The following PRKN variants were observed in gnomAD, a reference collection of about 807,000 sequenced individuals.
PRKN encodes E3 ubiquitin-protein ligase parkin.
PRKN carries 56 observed loss-of-function variants against 59.5 expected under a neutral mutation model. The ratio of observed to expected loss-of-function variants is 0.94; its 90% confidence interval spans 0.76 to 1.18. PRKN has a LOEUF of 1.18. Ranked by LOEUF, PRKN falls within the 50% of genes most tolerant of loss-of-function variation. The pLI, the probability that PRKN is intolerant of heterozygous loss-of-function variation, is 0.00. For missense variants in PRKN, 657 were observed against 596.4 expected, an observed-to-expected ratio of 1.10 and a Z score of -1.06; for synonymous variants, 250 against 222.1, an observed-to-expected ratio of 1.13 and a Z score of -1.12.
At chr6:161,920,249 T>C (rs1245838552) in intron 6 of PRKN, among the ~76,000 whole-genome samples, 2 of 151,756 alleles carry the variant, frequency 1.3e-5, no homozygotes, top group Non-Finnish European at 2.9e-5. Flanking sequence ...CTGGGTGTGG[T>C]TGTGCAAACC....
intron 9 of PRKN, among the ~76,000 whole-genome samples, chr6:161,449,832 T>G (rs933520852): frequency 1.6e-4 from 25 of 152,142 alleles, no homozygotes; most frequent in African/African-American, 6.0e-4. Context: ...AGGGAAGCAA[T>G]GGGAAAGTGC....
Position 161,497,856 on chromosome 6 carries a change from T to A in PRKN, c.1083+50998A>T, listed in dbSNP as rs766732004. On this transcript the variant is annotated intron_variant, in intron 9 of 11. Transcript: ENST00000366898. This position sits in a 1 kb window ranked among gnomAD's most constrained non-coding sequence, Gnocchi z 4.6. ...TGAGGCTAACTCTCCTCCCAAGGTG[T>A]CTCAAATAGAAAGGCTTGTTCCTGA... Among the ~76,000 whole-genome samples, 13 of 152,230 alleles carry A rather than the reference T, an allele frequency of 8.5e-5. No individual in the cohort carries two copies. Among genetic ancestry groups the A allele is most frequent in the Non-Finnish European group, 1.5e-4 (10 of 68,046 alleles).
chr6:162,039,732 A>G (rs1783990165), intron 5 of PRKN, among the ~76,000 whole-genome samples: 1 of 152,226 alleles, frequency 6.6e-6, no homozygotes. Flanking sequence ...CTAAACAATT[A>G]TCATTGTCTG....
chr6:162,403,352 G>T (rs1321573815), intron 2 of PRKN, among the ~76,000 whole-genome samples: 1 of 151,906 alleles, frequency 6.6e-6, no homozygotes, highest in African/African-American at 2.4e-5. Flanking sequence ...CCCTCACCCG[G>T]GCTGCGTCTT....
chr6:161,736,992 C>T (rs1252826407), intron 7 of PRKN, among the ~76,000 whole-genome samples: 3 of 152,150 alleles, frequency 2.0e-5, no homozygotes, highest in African/African-American at 2.4e-5. Context: ...CATAGCTCAG[C>T]GTTCTGCTCA....
intron 2 of PRKN, among the ~76,000 whole-genome samples, chr6:162,341,326 A>T (rs1272369282): frequency 6.6e-6 from 1 of 152,170 alleles, no homozygotes; most frequent in Non-Finnish European, 1.5e-5. Context: ...AAATTAGTTC[A>T]ACCATTGTGG....
intron 7 of PRKN, among the ~76,000 whole-genome samples, chr6:161,616,417 T>C (rs1054938791): frequency 6.6e-6 from 1 of 152,032 alleles, no homozygotes; most frequent in African/African-American, 2.4e-5. Context: ...TTCTTTTTTT[T>C]TTTTTTAATT....
In PRKN at chr6:162,628,009, T is replaced by C. The variant is rs564678773; in HGVS notation, c.7+99653A>G. 3.6e-4 allele frequency among the ~76,000 whole-genome samples: 54 copies of C among 151,890 alleles called. No homozygotes were observed. In the South Asian group the frequency reaches 0.011, roughly 30 times the overall value. On this transcript the variant is annotated intron_variant, in intron 1 of 11. Transcript: ENST00000366898. ...GCCAATGAACATGGGCTACAGGGAG[T>C]AGGACACAATGTCATGAGGTCGACA...
At chr6:161,840,128 C>T (rs1792923755) in intron 6 of PRKN, among the ~76,000 whole-genome samples, 1 of 152,226 alleles carries the variant, frequency 6.6e-6, no homozygotes, top group Admixed American at 6.5e-5. Flanking sequence ...AGACCACCAG[C>T]ACTGCTTGCC....
chr6:161,893,176 C>T (rs1777479321), intron 6 of PRKN, among the ~76,000 whole-genome samples: 1 of 152,134 alleles, frequency 6.6e-6, no homozygotes, highest in Non-Finnish European at 1.5e-5. Flanking sequence ...TTAAAAAAGA[C>T]ATATTTATAC....
At chr6:162,122,060 G>T (rs1364706826) in intron 4 of PRKN, among the ~76,000 whole-genome samples, 1 of 152,198 alleles carries the variant, frequency 6.6e-6, no homozygotes, top group Non-Finnish European at 1.5e-5. Context: ...TGAGTCTCCA[G>T]TGTGAAGATA....
At chr6:161,926,143 G>A (rs1255897289) in intron 6 of PRKN, among the ~76,000 whole-genome samples, 2 of 152,168 alleles carry the variant, frequency 1.3e-5, no homozygotes, top group African/African-American at 4.8e-5. Flanking sequence ...AAGTAAATGG[G>A]AGTGGTGAAC....
chr6:161,522,492 C>G (rs1288025472), intron 9 of PRKN, among the ~76,000 whole-genome samples: 6 of 152,228 alleles, frequency 3.9e-5, no homozygotes, highest in African/African-American at 1.4e-4. Context: ...TTTGGACACT[C>G]CTGCATTAAT....
chr6:162,672,322 C>A (rs1160930287), intron 1 of PRKN, among the ~76,000 whole-genome samples: 1 of 152,062 alleles, frequency 6.6e-6, no homozygotes, highest in Non-Finnish European at 1.5e-5. Flanking sequence ...TCAAAACTTA[C>A]AGTTTTCTGA....
At chr6:161,819,320 A>C (rs1485541928) in intron 6 of PRKN, among the ~76,000 whole-genome samples, 1 of 151,994 alleles carries the variant, frequency 6.6e-6, no homozygotes, top group Non-Finnish European at 1.5e-5. Flanking sequence ...GTGAAACCCT[A>C]TCTCTACTAA....
At chr6:161,621,603 T>G (rs547102771) in intron 7 of PRKN, among the ~76,000 whole-genome samples, 1 of 152,218 alleles carries the variant, frequency 6.6e-6, no homozygotes, top group Non-Finnish European at 1.5e-5. Flanking sequence ...ATCAATCCAC[T>G]TGGACTCACA....
intron 3 of PRKN, among the ~76,000 whole-genome samples, chr6:162,217,809 AG>A (rs1389993868): frequency 1.3e-5 from 2 of 152,322 alleles, no homozygotes; most frequent in East Asian, 3.9e-4. Flanking sequence ...GGTATTGTTA[AG>A]GCTCCAGCTT....
intron 9 of PRKN, among the ~76,000 whole-genome samples, chr6:161,506,538 T>G (rs888913975): frequency 1.3e-5 from 2 of 152,240 alleles, no homozygotes; most frequent in East Asian, 3.9e-4. Context: ...GCTGAAAAAT[T>G]TGTTGCCTAT....
intron 1 of PRKN, among the ~76,000 whole-genome samples, chr6:162,627,172 G>A (rs545784893): frequency 6.6e-6 from 1 of 152,260 alleles, no homozygotes; most frequent in East Asian, 1.9e-4. Flanking sequence ...CAATTTCTAA[G>A]AGGGCTTGAT....
Sources: allele counts gnomAD v4.1 joint callset (sites outside exome capture counted in the v4.1 genomes callset), GRCh38; gene constraint gnomAD v4.1.1; non-coding constraint Gnocchi (gnomAD v3.1); transcripts MANE v1.5; gene names NCBI Gene and HGNC (gene_info 2026-07-23, HGNC 2026-07-21).